Variants in SCHIP1 observed in about 807,000 individuals in gnomAD.
SCHIP1 encodes the protein schwannomin-interacting protein 1.
A neutral mutation model predicts 29.7 loss-of-function variants in SCHIP1; 8 were observed. That is an observed-to-expected ratio of 0.27 (90% CI 0.16 to 0.49). The LOEUF is 0.49. SCHIP1 is among the 20% of genes least tolerant of loss of function. The pLI is 0.99. For synonymous variants in SCHIP1, 76 were observed against 94.9 expected (o/e 0.80, Z 1.16); for missense variants, 193 against 294.6 (o/e 0.66, Z 2.52).
At chr3:159,554,626 G>A in the SCHIP1 span, among the ~76,000 whole-genome samples, 6 of 152,004 alleles carry the variant, frequency 3.9e-5, no homozygotes, top group African/African-American at 1.4e-4. Context: ...TCTTCCCTCC[G>A]TGGCTCCAGC....
the SCHIP1 span, among the ~76,000 whole-genome samples, chr3:159,767,951 A>G: frequency 6.6e-6 from 1 of 152,276 alleles, no homozygotes; most frequent in South Asian, 2.1e-4. Flanking sequence ...CATGCCTGGG[A>G]TGGAGTAGGT....
At chr3:159,828,441 GT>G in the SCHIP1 span, among the ~76,000 whole-genome samples, 1 of 42,932 alleles carries the variant, frequency 2.3e-5, no homozygotes, top group African/African-American at 1.1e-4. Flanking sequence ...GTATATATAC[GT>G]ATATATATAC....
chr3:159,773,333 G>A, the SCHIP1 span, among the ~76,000 whole-genome samples: 1 of 152,108 alleles, frequency 6.6e-6, no homozygotes, highest in Non-Finnish European at 1.5e-5. Flanking sequence ...GATAGACAGG[G>A]ATTCTGGGAG....
At chr3:159,857,049 T>A (rs188339367) in intron 1 of SCHIP1, among the ~76,000 whole-genome samples, 2 of 152,326 alleles carry the variant, frequency 1.3e-5, no homozygotes, top group East Asian at 1.9e-4. Flanking sequence ...CTCAGCCACC[T>A]GGGAAAAATC....
At chr3:159,524,353 C>T in the SCHIP1 span, among the ~76,000 whole-genome samples, 24 of 152,316 alleles carry the variant, frequency 1.6e-4, no homozygotes, top group Admixed American at 5.2e-4. Flanking sequence ...TCCTTTTCTA[C>T]AGCTCACACC....
At chr3:159,667,486 A>G in the SCHIP1 span, among the ~76,000 whole-genome samples, 13,571 of 152,238 alleles carry the variant, frequency 0.089, 1,777 homozygotes, top group African/African-American at 0.28. Context: ...AGGGCATCCA[A>G]TGATCTGGCC....
the SCHIP1 span, among the ~76,000 whole-genome samples, chr3:159,329,150 C>T: frequency 6.6e-6 from 1 of 152,096 alleles, no homozygotes; most frequent in South Asian, 2.1e-4. Flanking sequence ...AACAAGGACA[C>T]AAGTAACTAT....
the SCHIP1 span, among the ~76,000 whole-genome samples, chr3:159,300,113 C>CTTGTTTTTTTTTTTT: frequency 2.2e-5 from 1 of 45,358 alleles, no homozygotes; most frequent in Non-Finnish European, 4.0e-5. Context: ...GGGAAAGCTG[C>CTTGTTTTTTTTTTTT]TTTTTTTTTT....
At chr3:159,541,597 G>A in the SCHIP1 span, among the ~76,000 whole-genome samples, 2 of 152,024 alleles carry the variant, frequency 1.3e-5, no homozygotes, top group Non-Finnish European at 1.5e-5. Context: ...AAAAGTGGCA[G>A]GCAGTGGGGA....
the SCHIP1 span, among the ~76,000 whole-genome samples, chr3:159,439,829 T>C: frequency 6.6e-6 from 1 of 152,120 alleles, no homozygotes; most frequent in Non-Finnish European, 1.5e-5. Context: ...AATCTGTAGG[T>C]TGTCTGTTTA....
At chr3:159,857,331 T>C (rs752519260) in intron 1 of SCHIP1, among the ~76,000 whole-genome samples, 4 of 152,172 alleles carry the variant, frequency 2.6e-5, no homozygotes, top group Non-Finnish European at 5.9e-5. Flanking sequence ...TTCCATGTCA[T>C]GGTCATCTTC....
At chr3:159,394,562 A>G in the SCHIP1 span, among the ~76,000 whole-genome samples, 41 of 152,314 alleles carry the variant, frequency 2.7e-4, no homozygotes, top group Middle Eastern at 6.8e-3. Context: ...TTCTGCATCT[A>G]TTGAAATAAT....
At chr3:159,607,878 G>T in the SCHIP1 span, among the ~76,000 whole-genome samples, 1 of 152,182 alleles carries the variant, frequency 6.6e-6, no homozygotes, top group Non-Finnish European at 1.5e-5. Context: ...TATATGGATG[G>T]TCTGAGGGAA....
chr3:159,597,819 GTAT>G, the SCHIP1 span, among the ~76,000 whole-genome samples: 1 of 152,136 alleles, frequency 6.6e-6, no homozygotes, highest in Non-Finnish European at 1.5e-5. Flanking sequence ...GATTGAATGT[GTAT>G]TAGCTCGTTT....
the SCHIP1 span, among the ~76,000 whole-genome samples, chr3:159,714,880 G>A: frequency 6.6e-6 from 1 of 152,252 alleles, no homozygotes; most frequent in East Asian, 1.9e-4. Context: ...CTGTCTGACA[G>A]CTTTGAAGAG....
At chr3:159,837,603 G>A (rs1326091605), upstream of SCHIP1, among the ~76,000 whole-genome samples, 1 of 152,048 alleles carries the variant, frequency 6.6e-6, no homozygotes, top group African/African-American at 2.4e-5. Context: ...CGCCCCTGTA[G>A]TCCCGGCTAC....
chr3:159,664,749 A>G, the SCHIP1 span, among the ~76,000 whole-genome samples: 1 of 152,236 alleles, frequency 6.6e-6, no homozygotes, highest in Non-Finnish European at 1.5e-5. Flanking sequence ...TGAACAGAGT[A>G]TGAAAAAGGC....
At chr3:159,766,906 A>C in the SCHIP1 span, among the ~76,000 whole-genome samples, 6 of 152,162 alleles carry the variant, frequency 3.9e-5, no homozygotes, top group Non-Finnish European at 8.8e-5. Flanking sequence ...GAAGACTATG[A>C]ATCTTTCCTT....
At chr3:159,579,731 G>T in the SCHIP1 span, among the ~76,000 whole-genome samples, 1 of 152,144 alleles carries the variant, frequency 6.6e-6, no homozygotes, top group African/African-American at 2.4e-5. Context: ...ATTCAATCTG[G>T]ATACCTTAAG....
Sources: gnomAD v4.1 joint callset for allele counts (sites outside exome capture counted in the v4.1 genomes callset) on GRCh38, gnomAD v4.1.1 for gene constraint, MANE v1.5 for transcripts, NCBI Gene and HGNC (gene_info 2026-07-23, HGNC 2026-07-21) for gene names.